Variants in CRB1 observed in about 807,000 individuals in gnomAD.
CRB1 encodes the protein crumbs cell polarity complex component 1.
CRB1 carries 83 observed loss-of-function variants against 120.0 expected under a neutral mutation model. The ratio of observed to expected loss-of-function variants is 0.69; its 90% confidence interval spans 0.58 to 0.83. CRB1 has a LOEUF of 0.83. Among genes scored for constraint, CRB1 ranks in the 40% least tolerant of loss-of-function variants. The pLI is 0.00. For synonymous variants in CRB1, 625 were observed against 612.5 expected (o/e 1.02, Z -0.30); for missense variants, 1,699 against 1,687.6 (o/e 1.01, Z -0.12).
chr1:197,346,517 T>C (rs1659784223), intron 3 of CRB1, among the ~76,000 whole-genome samples: 1 of 152,120 alleles, frequency 6.6e-6, no homozygotes, highest in Non-Finnish European at 1.5e-5. Flanking sequence ...CAATATTTGG[T>C]TTGGTGATAA....
Position 197,302,647 on chromosome 1 carries a change from C to CA in CRB1, c.71-25771dup, listed in dbSNP as rs1449474403. ...CAACTGTCTCTGATAGAGTAATTGA[C>CA]AAAATAAAGAATAGAAAATTCAGAA... On this transcript the variant is annotated intron_variant, in intron 1 of 11. Transcript: ENST00000367400. 4.6e-5 allele frequency among the ~76,000 whole-genome samples: 7 copies of CA among 151,942 alleles called. No individual in the cohort carries two copies. In the East Asian group the frequency reaches 1.4e-3, roughly 29 times the overall value.
intron 1 of CRB1, among the ~76,000 whole-genome samples, chr1:197,319,247 C>T (rs1400554020): frequency 1.4e-5 from 1 of 71,262 alleles, no homozygotes; most frequent in East Asian, 7.6e-4. Flanking sequence ...CATAGTGAAA[C>T]CCTGTCTCTA....
At chr1:197,215,058 T>G in the CRB1 span, among the ~76,000 whole-genome samples, 2 of 152,000 alleles carry the variant, frequency 1.3e-5, no homozygotes, top group Non-Finnish European at 2.9e-5. Flanking sequence ...ATTAACAGAA[T>G]GAAGGAAAAA....
At chr1:197,343,900 G>C (rs528940026) in intron 2 of CRB1, among the ~76,000 whole-genome samples, 9 of 152,316 alleles carry the variant, frequency 5.9e-5, no homozygotes, top group Non-Finnish European at 1.2e-4. Context: ...TTTGGAGTCT[G>C]AGCTCTTACC....
chr1:197,374,414 T>C (rs1040911001), intron 5 of CRB1, among the ~76,000 whole-genome samples: 5 of 152,034 alleles, frequency 3.3e-5, no homozygotes, highest in African/African-American at 1.2e-4. Flanking sequence ...ATCTGATGAG[T>C]GTCAGGGCCC....
Position 197,296,276 on chromosome 1 carries a change from A to C in CRB1, c.70+27794A>C, listed in dbSNP as rs182186585. Among the ~76,000 whole-genome samples the C allele has an allele frequency of 3.5e-4, 53 of 152,176 alleles. 1 individual carries two copies. Among genetic ancestry groups the C allele is most frequent in the African/African-American group, 9.6e-5 (4 of 41,564 alleles). ...ACTTACCAGATGTTTTGCCTCAGAA[A>C]ATTACCTTTGCAAGCCTCACTTTCT... On this transcript the variant is annotated intron_variant, in intron 1 of 11. Coordinates refer to ENST00000367400, the MANE Select transcript of CRB1 (RefSeq NM_201253.3).
intron 1 of CRB1, among the ~76,000 whole-genome samples, chr1:197,297,462 C>A (rs1185180387): frequency 1.3e-5 from 2 of 152,032 alleles, no homozygotes; most frequent in African/African-American, 4.8e-5. Context: ...CATCAACTTT[C>A]TAGCTGAGGT....
At chr1:197,305,398 A>G (rs1657100853) in intron 1 of CRB1, among the ~76,000 whole-genome samples, 1 of 152,174 alleles carries the variant, frequency 6.6e-6, no homozygotes, top group Admixed American at 6.5e-5. Context: ...ATTAAAATAG[A>G]GTATACATAT....
At chr1:197,450,541 C>T (rs1399562600) in intron 11 of CRB1, among the ~76,000 whole-genome samples, 1 of 151,858 alleles carries the variant, frequency 6.6e-6, no homozygotes, top group East Asian at 1.9e-4. Context: ...TAAGGATAAA[C>T]GGATATTTTG....
intron 1 of CRB1, among the ~76,000 whole-genome samples, chr1:197,272,682 G>A (rs938730778): frequency 6.6e-5 from 10 of 152,244 alleles, no homozygotes; most frequent in African/African-American, 2.4e-4. Context: ...GTCCAGAAAG[G>A]CTACATATTG....
chr1:197,462,223 T>C (rs1301098191), intron 11 of CRB1, among the ~76,000 whole-genome samples: 7 of 152,160 alleles, frequency 4.6e-5, no homozygotes, highest in Admixed American at 4.6e-4. Flanking sequence ...TTAGGAGCAT[T>C]TTATGGATGA....
intron 1 of CRB1, among the ~76,000 whole-genome samples, chr1:197,318,341 A>G (rs1657977491): frequency 6.6e-6 from 1 of 152,250 alleles, no homozygotes; most frequent in African/African-American, 2.4e-5. Flanking sequence ...AAATCAGAAG[A>G]TAACAAGTGT....
intron 5 of CRB1, among the ~76,000 whole-genome samples, chr1:197,377,312 C>A (rs1354440499): frequency 6.6e-6 from 1 of 152,112 alleles, no homozygotes; most frequent in Non-Finnish European, 1.5e-5. Flanking sequence ...AGCTCCAGGA[C>A]CTAGCACAGT....
chr1:197,369,816 C>T (rs1331788256), intron 5 of CRB1, among the ~76,000 whole-genome samples: 2 of 152,132 alleles, frequency 1.3e-5, no homozygotes, highest in Non-Finnish European at 2.9e-5. Flanking sequence ...TACCAATATC[C>T]TCAACTTTTT....
chr1:197,363,797 G>A (rs1660912306), intron 5 of CRB1: 1 of 729,724 alleles, frequency 1.4e-6, no homozygotes, highest in Admixed American at 1.8e-5. Context: ...TCTGCAGAAT[G>A]GAGATTTAAA....
the CRB1 span, among the ~76,000 whole-genome samples, chr1:197,229,698 A>T: frequency 1.9e-3 from 285 of 152,266 alleles, 1 homozygote; most frequent in African/African-American, 6.6e-3. Flanking sequence ...GTAAGTGAGA[A>T]CATGGGGTAT....
At chr1:197,382,142 C>T (rs1372209102) in intron 5 of CRB1, among the ~76,000 whole-genome samples, 1 of 152,072 alleles carries the variant, frequency 6.6e-6, no homozygotes, top group Non-Finnish European at 1.5e-5. Context: ...TTATCTGTGG[C>T]CCTATATTTC....
intron 1 of CRB1, among the ~76,000 whole-genome samples, chr1:197,292,959 T>A: frequency 6.6e-6 from 1 of 152,172 alleles, no homozygotes; most frequent in Non-Finnish European, 1.5e-5. Context: ...AATATCATAC[T>A]GAATGGGCAA....
At chr1:197,392,697 G>A (rs1333724828) in intron 5 of CRB1, among the ~76,000 whole-genome samples, 6 of 152,044 alleles carry the variant, frequency 3.9e-5, no homozygotes, top group Middle Eastern at 3.2e-3. Context: ...TCACCTAAGT[G>A]AATCAATATG....
Sources: allele counts gnomAD v4.1 joint callset (sites outside exome capture counted in the v4.1 genomes callset), GRCh38; gene constraint gnomAD v4.1.1; transcripts MANE v1.5; gene names NCBI Gene and HGNC (gene_info 2026-07-23, HGNC 2026-07-21).